MACROD2: variants seen among roughly 807,000 people sequenced by gnomAD.
MACROD2 encodes the protein mono-ADP ribosylhydrolase 2.
A neutral mutation model predicts 70.4 loss-of-function variants in MACROD2; 36 were observed. That is an observed-to-expected ratio of 0.51 (90% CI 0.39 to 0.68). The LOEUF (loss-of-function observed/expected upper bound fraction) is 0.68, where lower values mean the gene tolerates loss of function less well. Among genes scored for constraint, MACROD2 ranks in the 30% least tolerant of loss-of-function variants. The pLI is 0.00. For missense variants in MACROD2, 496 were observed against 538.4 expected, an observed-to-expected ratio of 0.92 and a Z score of 0.78; for synonymous variants, 172 against 178.8, an observed-to-expected ratio of 0.96 and a Z score of 0.30.
intron 8 of MACROD2, among the ~76,000 whole-genome samples, chr20:15,790,943 T>A (rs901037653): frequency 6.6e-6 from 1 of 152,002 alleles, no homozygotes; most frequent in Admixed American, 6.6e-5. Context: ...TATTATGTTA[T>A]CATTAATTTC....
intron 5 of MACROD2, among the ~76,000 whole-genome samples, chr20:14,918,858 AC>A (rs1213714954): frequency 6.6e-6 from 1 of 152,042 alleles, no homozygotes; most frequent in African/African-American, 2.4e-5. Flanking sequence ...TGTTACCCAT[AC>A]ATTAAACAAT....
At chr20:15,437,067 T>A (rs2046436721) in intron 7 of MACROD2, among the ~76,000 whole-genome samples, 1 of 152,198 alleles carries the variant, frequency 6.6e-6, no homozygotes, top group Non-Finnish European at 1.5e-5. Flanking sequence ...TTTCAAAATG[T>A]GTGAGAGGGA....
chr20:15,569,598 G>A (rs1236345216), intron 8 of MACROD2, among the ~76,000 whole-genome samples: 1 of 152,164 alleles, frequency 6.6e-6, no homozygotes, highest in Admixed American at 6.6e-5. Context: ...GCTGCGATGA[G>A]ATCAGATTTT....
In MACROD2 at chr20:14,781,231, C is replaced by A. The variant is rs2072296934; in HGVS notation, c.418+96272C>A. On this transcript the variant is annotated intron_variant, in intron 5 of 17. Coordinates refer to ENST00000684519, the MANE Select transcript of MACROD2 (RefSeq NM_001351661.2). ...CCTCAAACCTCTGGTAACCACCAAT[C>A]TACTCCCTACTTCTATGAGTTCAAC... is the stretch of plus-strand genomic sequence containing the variant. Among the ~76,000 whole-genome samples, 3 of 151,968 alleles carry A rather than the reference C, an allele frequency of 2.0e-5. No individual in the cohort carries two copies. In the South Asian group the frequency reaches 6.2e-4, roughly 32 times the overall value.
chr20:15,413,920 C>G (rs899998133), intron 6 of MACROD2, among the ~76,000 whole-genome samples: 1 of 152,134 alleles, frequency 6.6e-6, no homozygotes, highest in Non-Finnish European at 1.5e-5. Context: ...GACTTCCTCA[C>G]CAGGTAGCAT....
intron 8 of MACROD2, among the ~76,000 whole-genome samples, chr20:15,779,662 C>T (rs563833605): frequency 6.6e-6 from 1 of 152,208 alleles, no homozygotes; most frequent in South Asian, 2.1e-4. Flanking sequence ...GTGTTTTCCC[C>T]TCCACAGCCT....
At position 14,530,702 on chromosome 20, in the gene MACROD2, ATCCT is replaced by A. The variant is rs1293526918; in HGVS notation, c.301+37198_301+37201del. On this transcript the variant is annotated intron_variant, in intron 4 of 17. Transcript: ENST00000684519. ...TTACAGAGTTGGTTAAACTGCTGGT[ATCCT>A]TCCACCTTCCAAGATGATTAAGAGC... is the stretch of plus-strand genomic sequence containing the variant. Among the ~76,000 whole-genome samples, 3 of 152,358 alleles carry A rather than the reference ATCCT, an allele frequency of 2.0e-5. No homozygotes were observed. The East Asian group carries it at 5.8e-4, about 29-fold the overall frequency.
intron 2 of MACROD2, among the ~76,000 whole-genome samples, chr20:14,053,860 T>C (rs552808734): frequency 5.9e-5 from 9 of 152,252 alleles, no homozygotes; most frequent in Admixed American, 3.3e-4. Flanking sequence ...AGTGCATATG[T>C]CAAAATAAAA....
intron 4 of MACROD2, among the ~76,000 whole-genome samples, chr20:14,583,164 G>GCT (rs762736921): frequency 6.6e-6 from 1 of 152,206 alleles, no homozygotes; most frequent in Non-Finnish European, 1.5e-5. Flanking sequence ...TTCTGTGCAA[G>GCT]CTCAGATTCA....
intron 4 of MACROD2, among the ~76,000 whole-genome samples, chr20:14,517,408 A>G (rs2085113877): frequency 6.6e-6 from 1 of 152,174 alleles, no homozygotes; most frequent in Admixed American, 6.5e-5. Context: ...GAAGCTGGAA[A>G]CCATCATTCT....
At chr20:15,851,401 G>T (rs969263758) in intron 8 of MACROD2, among the ~76,000 whole-genome samples, 25 of 151,886 alleles carry the variant, frequency 1.6e-4, no homozygotes, top group African/African-American at 5.6e-4. Flanking sequence ...AAATATGAAG[G>T]TGTCAGCAGG....
chr20:15,692,604 G>C (rs1226131424), intron 8 of MACROD2, among the ~76,000 whole-genome samples: 1 of 152,144 alleles, frequency 6.6e-6, no homozygotes, highest in Non-Finnish European at 1.5e-5. Flanking sequence ...TGGAAGCGCA[G>C]AGAAAAGAAG....
intron 8 of MACROD2, among the ~76,000 whole-genome samples, chr20:15,565,219 G>A (rs1228042833): frequency 6.6e-6 from 1 of 152,088 alleles, no homozygotes; most frequent in Non-Finnish European, 1.5e-5. Flanking sequence ...ATTACCAACA[G>A]GAAGCATTTC....
chr20:14,014,151 A>G (rs2052953794), intron 2 of MACROD2, among the ~76,000 whole-genome samples: 2 of 152,208 alleles, frequency 1.3e-5, no homozygotes, highest in South Asian at 4.1e-4. Context: ...CATTTTGGTC[A>G]GCGTGAACAG....
At chr20:15,201,946 A>G (rs1187949213) in intron 5 of MACROD2, among the ~76,000 whole-genome samples, 1 of 152,192 alleles carries the variant, frequency 6.6e-6, no homozygotes, top group Non-Finnish European at 1.5e-5. Flanking sequence ...ACCAAAGTAA[A>G]TTGGCATGTG....
At chr20:15,113,000 C>T (rs1231972944) in intron 5 of MACROD2, among the ~76,000 whole-genome samples, 1 of 116,032 alleles carries the variant, frequency 8.6e-6, no homozygotes, top group Non-Finnish European at 2.2e-5. Flanking sequence ...GTATTTATAT[C>T]ACATTTTGCT....
chr20:15,212,978 G>A (rs148201486), intron 5 of MACROD2, among the ~76,000 whole-genome samples: 105 of 152,230 alleles, frequency 6.9e-4, no homozygotes, highest in African/African-American at 2.2e-3. Flanking sequence ...GGTTTTGATC[G>A]CCCTCAAGTT....
chr20:14,725,090 G>T (rs2071513032), intron 5 of MACROD2, among the ~76,000 whole-genome samples: 1 of 152,124 alleles, frequency 6.6e-6, no homozygotes, highest in African/African-American at 2.4e-5. Context: ...GGAGTGAAAG[G>T]ATGGGAAGAA....
intron 3 of MACROD2, among the ~76,000 whole-genome samples, chr20:14,353,653 T>A (rs906718332): frequency 5.9e-5 from 9 of 152,186 alleles, no homozygotes; most frequent in African/African-American, 2.2e-4. Context: ...TTTGGGTAAT[T>A]CATTGACTCA....
Sources: allele counts gnomAD v4.1 joint callset (sites outside exome capture counted in the v4.1 genomes callset), GRCh38; gene constraint gnomAD v4.1.1; transcripts MANE v1.5; gene names NCBI Gene and HGNC (gene_info 2026-07-23, HGNC 2026-07-21).